The following ULK2 variants were observed in gnomAD, a reference collection of about 807,000 sequenced individuals.
The protein encoded by ULK2 is unc-51 like autophagy activating kinase 2.
A neutral mutation model predicts 127.5 loss-of-function variants in ULK2; 76 were observed. The observed-to-expected ratio is 0.60, with a 90% CI of 0.50 to 0.72. The LOEUF is 0.72. Among genes scored for constraint, ULK2 ranks in the 30% least tolerant of loss-of-function variants. The probability of loss-of-function intolerance (pLI) is 0.00; values close to 1 mark genes in which losing one functional copy is unlikely to be tolerated. For synonymous variants in ULK2, 452 were observed against 461.9 expected, an observed-to-expected ratio of 0.98 and a Z score of 0.28; for missense variants, 1,144 against 1,295.9, an observed-to-expected ratio of 0.88 and a Z score of 1.80.
intron 12 of ULK2, among the ~76,000 whole-genome samples, chr17:19,817,491 CTT>C (rs915748154): frequency 7.2e-5 from 11 of 152,092 alleles, no homozygotes; most frequent in African/African-American, 2.2e-4. Flanking sequence ...TTGTGTTCCT[CTT>C]GTTTTTGTTT....
intron 3 of ULK2, among the ~76,000 whole-genome samples, chr17:19,851,755 T>G (rs2042021229): frequency 1.3e-5 from 2 of 151,884 alleles, no homozygotes; most frequent in Non-Finnish European, 2.9e-5. Flanking sequence ...CCGGGTGCGG[T>G]GGTTCACGAC....
intron 9 of ULK2, among the ~76,000 whole-genome samples, chr17:19,838,946 G>C (rs529633131): frequency 6.6e-6 from 1 of 151,632 alleles, no homozygotes; most frequent in Non-Finnish European, 1.5e-5. Context: ...CAGGAGAATG[G>C]CATAAACCCG....
chr17:19,816,596 G>A (rs1440602834), intron 13 of ULK2, 153 bp downstream of exon 13: 1 of 659,568 alleles, frequency 1.5e-6, no homozygotes, highest in Non-Finnish European at 2.2e-6. Context: ...ATTTTAAAAA[G>A]GTAGGAATAT....
chr17:19,842,470 T>C (rs2152397325), intron 8 of ULK2, among the ~76,000 whole-genome samples: 1 of 152,258 alleles, frequency 6.6e-6, no homozygotes, highest in East Asian at 1.9e-4. Flanking sequence ...GTGCTGGGAT[T>C]ACAGGTGTGA....
intron 16 of ULK2, among the ~76,000 whole-genome samples, chr17:19,800,927 T>C (rs1029248399): frequency 6.6e-6 from 1 of 152,182 alleles, no homozygotes; most frequent in African/African-American, 2.4e-5. Flanking sequence ...ACTGAAGATA[T>C]GGTACATGGT....
At chr17:19,842,633 C>T (rs1464726531) in intron 8 of ULK2, among the ~76,000 whole-genome samples, 5 of 152,098 alleles carry the variant, frequency 3.3e-5, no homozygotes, top group Admixed American at 1.3e-4. Context: ...TGATTATACT[C>T]TACAGGGTCA....
chr17:19,780,884 T>A lies in ULK2; in HGVS notation c.2758+102A>T. 8.3e-7 allele frequency: 1 copy of A among 1,198,184 alleles called. No homozygotes were observed. The highest frequency in any genetic ancestry group is 2.4e-5 in the East Asian group (1 of 42,534). The allele number at this position is 1,198,184 out of a possible 1,614,324, so 74.2% of individuals were successfully genotyped here. Reference sequence around the variant, plus strand: ...TTTTCCCTTTAAGAATACTGAAAAATAAAAACAACAGTGAGTACTCATCAG... The same window carrying A: ...TTTTCCCTTTAAGAATACTGAAAAAAAAAAACAACAGTGAGTACTCATCAG... On this transcript the variant is annotated intron_variant, in intron 24 of 26. Transcript: ENST00000395544.
intron 3 of ULK2, among the ~76,000 whole-genome samples, chr17:19,864,491 A>G (rs906924051): frequency 1.3e-5 from 2 of 151,926 alleles, no homozygotes; most frequent in African/African-American, 4.8e-5. Context: ...AAAAAGCTCT[A>G]TTTTTAATTG....
chr17:19,794,149 T>C (rs2087214827), intron 20 of ULK2, among the ~76,000 whole-genome samples: 1 of 151,988 alleles, frequency 6.6e-6, no homozygotes, highest in Non-Finnish European at 1.5e-5. Flanking sequence ...GTGAATATCT[T>C]CCTGAAACTT....
rs1193738018 is a variant in ULK2 at position 19,867,349 on chromosome 17, G to A, written c.69C>T (p.Val23=). Reference sequence around the variant, plus strand: ...TCACCTGGCGGTGCCGCCCCCGGAAGACCACGGCGAAGGCCCCGTGTCCCA... The same window carrying A: ...TCACCTGGCGGTGCCGCCCCCGGAAAACCACGGCGAAGGCCCCGTGTCCCA... The part of the protein sequence containing the change: ...DLVGHGAFAV[V]FRGRHRQKTD... The change falls in exon 1 of 27, where the codon GTC becomes GTT. Residue 23 remains valine, a synonymous_variant. Coordinates refer to ENST00000395544, the MANE Select transcript of ULK2 (RefSeq NM_014683.4). 1 of 1,601,364 alleles carries A rather than the reference G, an allele frequency of 6.2e-7. No individual in the cohort carries two copies. The highest frequency in any genetic ancestry group is 1.1e-5 in the South Asian group (1 of 89,594).
intron 19 of ULK2, 57 bp from the exon 20 acceptor site, chr17:19,795,782 G>C: frequency 6.7e-7 from 1 of 1,491,296 alleles, no homozygotes; most frequent in Non-Finnish European, 9.3e-7. Context: ...AAAACTAGAA[G>C]GGTTAATAGG....
chr17:19,847,378 C>T (rs972593900), intron 5 of ULK2, among the ~76,000 whole-genome samples: 1 of 152,174 alleles, frequency 6.6e-6, no homozygotes, highest in African/African-American at 2.4e-5. Flanking sequence ...CTACTGCTAC[C>T]CGTGCCTGTG....
In ULK2 at chr17:19,797,447, A is replaced by C. The variant is rs1356116111; in HGVS notation, c.1758T>G (p.Ser586=). The change falls in exon 18 of 27, where the codon TCT becomes TCG. Residue 586 remains serine (S), a synonymous_variant. Coordinates refer to ENST00000395544, the MANE Select transcript of ULK2 (RefSeq NM_014683.4). ...GCAAAGGAGTTTTAAAGAACCAGTC[A>C]GAACTCCGTGGAGAGGACCCCAAGT... The part of the protein sequence containing the change: ...TKHLGSSPRS[S]DWFFKTPLPT... The C allele has an allele frequency of 6.2e-7, 1 of 1,614,050 alleles. No homozygotes were observed. The highest frequency in any genetic ancestry group is 1.1e-5 in the South Asian group (1 of 91,050).
chr17:19,781,868 G>T, intron 23 of ULK2, 21 bp downstream of exon 23: 2 of 1,607,062 alleles, frequency 1.2e-6, no homozygotes, highest in Non-Finnish European at 8.5e-7. Context: ...GTCTGGAAAT[G>T]AATGACAAGG....
At chr17:19,827,377 G>A (rs185392218) in intron 10 of ULK2, among the ~76,000 whole-genome samples, 1 of 152,278 alleles carries the variant, frequency 6.6e-6, no homozygotes, top group Non-Finnish European at 1.5e-5. Context: ...TCAAATTCTA[G>A]TCCAACTTAT....
intron 10 of ULK2, among the ~76,000 whole-genome samples, chr17:19,836,860 A>T (rs1352557095): frequency 6.6e-6 from 1 of 151,918 alleles, no homozygotes; most frequent in Non-Finnish European, 1.5e-5. Flanking sequence ...GGCCAAGATC[A>T]TGCCACTGCA....
At chr17:19,779,916 G>A in intron 25 of ULK2, among the ~76,000 whole-genome samples, 1 of 152,048 alleles carries the variant, frequency 6.6e-6, no homozygotes, top group East Asian at 1.9e-4. Context: ...GCTCACATCT[G>A]TAATCCCAGC....
chr17:19,801,693 C>T (rs1265187914), intron 16 of ULK2, 84 bp downstream of exon 16: 39 of 1,583,160 alleles, frequency 2.5e-5, no homozygotes, highest in Non-Finnish European at 3.3e-5. Context: ...CATCATGAGC[C>T]GAAGTTCCTA....
chr17:19,797,420 T>C lies in ULK2; in HGVS notation c.1785A>G (p.Pro595=), dbSNP rs1351664886. 1 of 1,613,478 alleles carries C rather than the reference T, an allele frequency of 6.2e-7. No individual in the cohort carries two copies. Among genetic ancestry groups the C allele is most frequent in the African/African-American group, 1.3e-5 (1 of 74,914 alleles). The change falls in exon 18 of 27, where the codon CCA becomes CCG. Residue 595 remains proline, a synonymous_variant. Coordinates refer to ENST00000395544, the MANE Select transcript of ULK2 (RefSeq NM_014683.4). ...SSDWFFKTPL[P]TIIGSPTKTT... ...CCTTAGTAGGAGAGCCAATGATTGT[T>C]GGCAAAGGAGTTTTAAAGAACCAGT...
Sources: gnomAD v4.1 joint callset for allele counts (sites outside exome capture counted in the v4.1 genomes callset) on GRCh38, gnomAD v4.1.1 for gene constraint, MANE v1.5 for transcripts, NCBI Gene and HGNC (gene_info 2026-07-23, HGNC 2026-07-21) for gene names.